SH3GL2: variants seen among roughly 807,000 people sequenced by gnomAD.
The protein encoded by SH3GL2 is SH3 domain containing GRB2 like 2, endophilin A1.
Under a neutral mutation model 46.0 loss-of-function variants are expected in SH3GL2, and 24 were observed. That is an observed-to-expected ratio of 0.52 (90% CI 0.38 to 0.73). The LOEUF (loss-of-function observed/expected upper bound fraction) is 0.73, where lower values mean the gene tolerates loss of function less well. Among genes scored for constraint, SH3GL2 ranks in the 30% least tolerant of loss-of-function variants. The pLI, the probability that SH3GL2 is intolerant of heterozygous loss-of-function variation, is 0.00. For missense variants in SH3GL2, 413 were observed against 424.2 expected, an observed-to-expected ratio of 0.97 and a Z score of 0.23; for synonymous variants, 196 against 147.1, an observed-to-expected ratio of 1.33 and a Z score of -2.40.
chr9:17,694,429 T>C (rs935464067), intron 1 of SH3GL2, among the ~76,000 whole-genome samples: 1 of 152,188 alleles, frequency 6.6e-6, no homozygotes, highest in Admixed American at 6.6e-5. Flanking sequence ...AACTGTTCTA[T>C]TGTAAAAGCA....
chr9:17,615,219 G>A (rs1818960850), intron 1 of SH3GL2, among the ~76,000 whole-genome samples: 1 of 152,204 alleles, frequency 6.6e-6, no homozygotes, highest in African/African-American at 2.4e-5. Context: ...CCTTTCTGGA[G>A]TCTGTTTTAC....
intron 1 of SH3GL2, among the ~76,000 whole-genome samples, chr9:17,723,918 G>T (rs1821957539): frequency 6.6e-6 from 1 of 151,946 alleles, no homozygotes; most frequent in East Asian, 1.9e-4. Context: ...TTCTCTTATT[G>T]ATTTCAAGAG....
chr9:17,711,836 G>A (rs1165486364), intron 1 of SH3GL2, among the ~76,000 whole-genome samples: 1 of 151,724 alleles, frequency 6.6e-6, no homozygotes, highest in Non-Finnish European at 1.5e-5. Context: ...ATCTAAGAAT[G>A]GAATAGCTGG....
At chr9:17,764,616 A>G (rs1823269401) in intron 3 of SH3GL2, among the ~76,000 whole-genome samples, 1 of 152,094 alleles carries the variant, frequency 6.6e-6, no homozygotes, top group Non-Finnish European at 1.5e-5. Flanking sequence ...GGGAATCAGT[A>G]GGATTTGATG....
At chr9:17,637,070 A>T (rs1326759602) in intron 1 of SH3GL2, among the ~76,000 whole-genome samples, 2 of 152,246 alleles carry the variant, frequency 1.3e-5, no homozygotes, top group African/African-American at 2.4e-5. Context: ...TTTATGACTC[A>T]GATGGTCTCT....
At chr9:17,704,428 TA>T in intron 1 of SH3GL2, among the ~76,000 whole-genome samples, 1 of 140,774 alleles carries the variant, frequency 7.1e-6, no homozygotes, top group East Asian at 2.0e-4. Context: ...TTCACAGAAT[TA>T]GAAAAAAAAA....
At chr9:17,761,641 G>A (rs1276556581) in intron 3 of SH3GL2, 132 bp downstream of exon 3, 24 of 764,560 alleles carry the variant, frequency 3.1e-5, no homozygotes, top group Non-Finnish European at 5.0e-5. Context: ...AGAGGTTAGC[G>A]ACTTCATGGA....
chr9:17,708,288 G>T (rs1821526246), intron 1 of SH3GL2, among the ~76,000 whole-genome samples: 1 of 151,722 alleles, frequency 6.6e-6, no homozygotes, highest in Non-Finnish European at 1.5e-5. Flanking sequence ...ATTTGTGTTT[G>T]GTTTTGATAG....
chr9:17,712,414 T>A, intron 1 of SH3GL2, among the ~76,000 whole-genome samples: 1 of 151,866 alleles, frequency 6.6e-6, no homozygotes, highest in East Asian at 1.9e-4. Flanking sequence ...TTTTTTCCTA[T>A]CTTTTCTTTC....
rs566792881 is a variant in SH3GL2 at position 17,769,312 on chromosome 9, C to A, written c.187+7803C>A. ...ACACTGCAAAGAGCCCAATTCTATTCTTTTATTGCACTTTTCATAATATTT... is the reference window on the plus strand; with the variant it reads ...ACACTGCAAAGAGCCCAATTCTATTATTTTATTGCACTTTTCATAATATTT... On this transcript the variant is annotated intron_variant, in intron 3 of 8. Coordinates refer to ENST00000380607, the MANE Select transcript of SH3GL2 (RefSeq NM_003026.5). 5.9e-5 allele frequency among the ~76,000 whole-genome samples: 9 copies of A among 152,302 alleles called. No homozygotes were observed. In the South Asian group the frequency reaches 1.9e-3, roughly 32 times the overall value.
intron 1 of SH3GL2, among the ~76,000 whole-genome samples, chr9:17,606,348 C>G (rs913493856): frequency 3.3e-5 from 5 of 152,162 alleles, no homozygotes; most frequent in Non-Finnish European, 7.3e-5. Context: ...GCCTTGGCCT[C>G]CTAAAGTGCT....
chr9:17,708,889 T>A (rs1434880197), intron 1 of SH3GL2, among the ~76,000 whole-genome samples: 1 of 152,046 alleles, frequency 6.6e-6, no homozygotes, highest in Non-Finnish European at 1.5e-5. Context: ...ATGAAACCAC[T>A]GAGCTTCAGG....
intron 1 of SH3GL2, among the ~76,000 whole-genome samples, chr9:17,718,793 G>A (rs1221198541): frequency 6.6e-6 from 1 of 152,106 alleles, no homozygotes; most frequent in Non-Finnish European, 1.5e-5. Flanking sequence ...TCAAGAAAGT[G>A]GGGGCTGCAT....
chr9:17,760,281 T>C (rs1257211847), intron 2 of SH3GL2, among the ~76,000 whole-genome samples: 2 of 152,156 alleles, frequency 1.3e-5, no homozygotes, highest in African/African-American at 4.8e-5. Flanking sequence ...ATCCTAGTAA[T>C]AGCAAACACA....
At chr9:17,763,817 C>T (rs1401448041) in intron 3 of SH3GL2, among the ~76,000 whole-genome samples, 1 of 152,128 alleles carries the variant, frequency 6.6e-6, no homozygotes, top group East Asian at 1.9e-4. Flanking sequence ...GATTGGAACT[C>T]AGGTCTGACT....
At chr9:17,755,782 G>C in intron 2 of SH3GL2, 1 of 985,074 alleles carries the variant, frequency 1.0e-6, no homozygotes, top group Non-Finnish European at 1.2e-6. Flanking sequence ...CGCTGTTCAC[G>C]AGTCCTTACA....
chr9:17,795,482 C>T (rs1056227298), intron 8 of SH3GL2, 62 bp from the exon 9 acceptor site: 3 of 1,355,362 alleles, frequency 2.2e-6, no homozygotes, highest in Non-Finnish European at 3.1e-6. Flanking sequence ...GCAGCAGATT[C>T]TGTGAGTTAA....
At chr9:17,684,747 G>C (rs1344214636) in intron 1 of SH3GL2, among the ~76,000 whole-genome samples, 1 of 152,030 alleles carries the variant, frequency 6.6e-6, no homozygotes, top group Non-Finnish European at 1.5e-5. Context: ...AGAAAGATGA[G>C]TCAAAGCAGA....
chr9:17,680,511 C>G (rs1207060597), intron 1 of SH3GL2, among the ~76,000 whole-genome samples: 2 of 151,716 alleles, frequency 1.3e-5, no homozygotes, highest in Non-Finnish European at 2.9e-5. Flanking sequence ...CTATTTGATT[C>G]TTCTCTCTTT....
Sources: gnomAD v4.1 joint callset for allele counts (sites outside exome capture counted in the v4.1 genomes callset) on GRCh38, gnomAD v4.1.1 for gene constraint, MANE v1.5 for transcripts, NCBI Gene and HGNC (gene_info 2026-07-23, HGNC 2026-07-21) for gene names.